The following ITIH5 variants were observed in gnomAD, a reference collection of about 807,000 sequenced individuals.
ITIH5 encodes inter-alpha-trypsin inhibitor heavy chain 5, also known as inter-alpha-trypsin inhibitor heavy chain H5.
Under a neutral mutation model 77.5 loss-of-function variants are expected in ITIH5, and 65 were observed. That is an observed-to-expected ratio of 0.84 (90% CI 0.69 to 1.03). The LOEUF (loss-of-function observed/expected upper bound fraction) is 1.03, where lower values mean the gene tolerates loss of function less well. Among genes scored for constraint, ITIH5 ranks in the 50% least tolerant of loss-of-function variants. ITIH5 has a pLI of 0.00. For synonymous variants in ITIH5, 525 were observed against 494.3 expected (o/e 1.06, Z -0.82); for missense variants, 1,208 against 1,213.1 (o/e 1.00, Z 0.06).
chr10:7,615,733 C>T lies in ITIH5; in HGVS notation c.939+249G>A, dbSNP rs77355238. Among the ~76,000 whole-genome samples, 25 of 152,310 alleles carry T rather than the reference C, an allele frequency of 1.6e-4. No homozygotes were observed. The East Asian group carries it at 4.6e-3, about 28-fold the overall frequency. ...TGGATTCCTGTCTCACTTACATTAT[C>T]CACTCTGCCAGTGCTGTTTATTTCA... On this transcript the variant is annotated intron_variant, in intron 7 of 13. Transcript: ENST00000397146.
chr10:7,662,110 C>T (rs912925959), intron 1 of ITIH5, among the ~76,000 whole-genome samples: 1 of 152,140 alleles, frequency 6.6e-6, no homozygotes, highest in Non-Finnish European at 1.5e-5. Context: ...GTAATCTCAG[C>T]ACTTTGGGAG....
intron 5 of ITIH5, among the ~76,000 whole-genome samples, chr10:7,627,330 TAAAAAAA>T (rs55799504): frequency 0.025 from 3,297 of 132,144 alleles, 146 homozygotes; most frequent in African/African-American, 0.091. Flanking sequence ...GAAGATAAAG[TAAAAAAA>T]AAAAAAAAAA....
rs369590807 is a variant in ITIH5, at chr10:7,646,154, C to G, written c.136-4064G>C. On this transcript the variant is annotated intron_variant, in intron 2 of 13. Transcript: ENST00000397146. ...CGAAGCATCTAGAATACCACTGCACCCAGCTCTGATTTCTACAGATGCATG... is the reference window on the plus strand; with the variant it reads ...CGAAGCATCTAGAATACCACTGCACGCAGCTCTGATTTCTACAGATGCATG... 1.3e-3 allele frequency among the ~76,000 whole-genome samples: 195 copies of G among 152,250 alleles called. 6 individuals are homozygous for G. In the South Asian group the frequency reaches 0.039, roughly 31 times the overall value.
intron 8 of ITIH5, among the ~76,000 whole-genome samples, chr10:7,583,506 T>C (rs1208258945): frequency 6.6e-6 from 1 of 152,130 alleles, no homozygotes; most frequent in Non-Finnish European, 1.5e-5. Context: ...CTGATTTTTT[T>C]GTATTTTAGT....
At chr10:7,637,519 G>C in intron 4 of ITIH5, 41 bp from the exon 5 acceptor site, 1 of 1,598,064 alleles carries the variant, frequency 6.3e-7, no homozygotes, top group East Asian at 2.2e-5. Context: ...AGGTTCGGAA[G>C]AGGATAGAGC....
At chr10:7,657,956 T>TAA (rs1462079302) in intron 1 of ITIH5, among the ~76,000 whole-genome samples, 5 of 152,222 alleles carry the variant, frequency 3.3e-5, no homozygotes, top group Non-Finnish European at 7.3e-5. Flanking sequence ...ACAAGGTGTA[T>TAA]AAGCAAGACA....
chr10:7,564,241 T>A (rs1832096182), intron 13 of ITIH5, among the ~76,000 whole-genome samples: 1 of 152,270 alleles, frequency 6.6e-6, no homozygotes, highest in African/African-American at 2.4e-5. Context: ...ATAAAGCCCA[T>A]TCCTAGCTCA....
intron 7 of ITIH5, among the ~76,000 whole-genome samples, chr10:7,603,445 A>G (rs917044957): frequency 6.6e-6 from 1 of 152,192 alleles, no homozygotes; most frequent in Non-Finnish European, 1.5e-5. Flanking sequence ...TTGGGGGATG[A>G]TGAGATGTCC....
In ITIH5 at chr10:7,580,071, G is replaced by A. The variant is rs1447466106; in HGVS notation, c.1109-7C>T. Reference sequence around the variant, plus strand: ...GCCCCGTTGATGTCTGTGCCTGCAGGACACCAACACGGAACAGCTCAAGCC... The same window carrying A: ...GCCCCGTTGATGTCTGTGCCTGCAGAACACCAACACGGAACAGCTCAAGCC... On this transcript the variant is annotated splice_polypyrimidine_tract_variant and splice_region_variant and intron_variant, in intron 8 of 13. Transcript: ENST00000397146. The A allele has an allele frequency of 6.3e-7, 1 of 1,590,844 alleles. No homozygotes were observed.
At chr10:7,644,395 TCA>T (rs1833940912) in intron 2 of ITIH5, among the ~76,000 whole-genome samples, 4 of 145,650 alleles carry the variant, frequency 2.7e-5, no homozygotes, top group South Asian at 2.1e-4. Context: ...ATCACATATA[TCA>T]CATATATCAC....
intron 7 of ITIH5, among the ~76,000 whole-genome samples, chr10:7,592,237 G>A (rs1467538024): frequency 6.6e-6 from 1 of 152,160 alleles, no homozygotes; most frequent in African/African-American, 2.4e-5. Context: ...TGGCACATAG[G>A]AGATGCTTGA....
chr10:7,655,958 T>C (rs745475538), intron 1 of ITIH5, among the ~76,000 whole-genome samples: 4 of 152,210 alleles, frequency 2.6e-5, no homozygotes, highest in Non-Finnish European at 4.4e-5. Context: ...AGGAGATGGA[T>C]GAAATGACAA....
At chr10:7,578,366 T>G (rs906436928) in intron 9 of ITIH5, 2 of 167,518 alleles carry the variant, frequency 1.2e-5, no homozygotes, top group Non-Finnish European at 2.9e-5. Context: ...TAAGTTCTCA[T>G]AAATGCCAGG....
At chr10:7,634,012 C>G (rs554000878) in intron 5 of ITIH5, among the ~76,000 whole-genome samples, 1 of 147,178 alleles carries the variant, frequency 6.8e-6, no homozygotes, top group South Asian at 2.2e-4. Context: ...TGGCTTGAAT[C>G]CGGAAGGCGG....
chr10:7,583,050 T>C (rs1012369473), intron 8 of ITIH5, among the ~76,000 whole-genome samples: 9 of 152,222 alleles, frequency 5.9e-5, no homozygotes, highest in African/African-American at 2.2e-4. Flanking sequence ...ATTTATCTGA[T>C]GTAATTATCA....
At chr10:7,580,125 ACTTT>A (rs1832519407) in intron 8 of ITIH5, 61 bp from the exon 9 acceptor site, 2 of 1,399,406 alleles carry the variant, frequency 1.4e-6, no homozygotes, top group Non-Finnish European at 1.9e-6. Context: ...CTCTGATTGC[ACTTT>A]CTTTTTTTTG....
At chr10:7,564,970 C>T (rs117286884) in intron 13 of ITIH5, among the ~76,000 whole-genome samples, 4,565 of 136,000 alleles carry the variant, frequency 0.034, 98 homozygotes, top group Middle Eastern at 0.11. Flanking sequence ...CATACATATA[C>T]ATATACACAC....
In ITIH5 at chr10:7,666,847, C is replaced by T. The variant is rs1588437528; in HGVS notation, c.46G>A (p.Gly16Arg). ...GLCLGLSLCV[G>R]SQEEAQSWGH... ...CAGCTCTGCGCCTCTTCCTGCGACC[C>T]CACACACAGGGACAGCCCCAGGCAC... Residue 16 changes from glycine to arginine, a missense_variant, in exon 1 of 14, where the codon GGG becomes AGG. Gly to Arg is a moderately radical substitution (Grantham distance 125, BLOSUM62 -2). Transcript: ENST00000397146. The T allele has an allele frequency of 6.2e-7, 1 of 1,609,266 alleles. No individual in the cohort carries two copies. Among genetic ancestry groups the T allele is most frequent in the South Asian group, 1.1e-5 (1 of 90,650 alleles).
chr10:7,642,523 G>A (rs1436444349), intron 2 of ITIH5, among the ~76,000 whole-genome samples: 5 of 152,088 alleles, frequency 3.3e-5, no homozygotes, highest in South Asian at 4.1e-4. Context: ...CAAAAATCTC[G>A]TATTTTAAAA....
Sources: allele counts gnomAD v4.1 joint callset (sites outside exome capture counted in the v4.1 genomes callset), GRCh38; gene constraint gnomAD v4.1.1; transcripts MANE v1.5; gene names NCBI Gene and HGNC (gene_info 2026-07-23, HGNC 2026-07-21).